Variants in ADAM23 observed in about 807,000 individuals in gnomAD.
The protein encoded by ADAM23 is disintegrin and metalloproteinase domain-containing protein 23.
In ADAM23, 33 loss-of-function variants were observed where a neutral mutation model predicts 120.1. That is an observed-to-expected ratio of 0.27 (90% confidence interval 0.21 to 0.37). ADAM23 has a LOEUF of 0.37. Among genes scored for constraint, ADAM23 ranks in the 10% least tolerant of loss-of-function variants. ADAM23 has a pLI of 1.00. For missense variants in ADAM23, 862 were observed against 1,058.2 expected (o/e 0.81, Z 2.57); for synonymous variants, 367 against 375.2 (o/e 0.98, Z 0.25).
intron 4 of ADAM23, among the ~76,000 whole-genome samples, chr2:206,538,108 A>AT: frequency 6.6e-6 from 1 of 152,322 alleles, no homozygotes; most frequent in East Asian, 1.9e-4. Flanking sequence ...TATGTGAACT[A>AT]TTAAAAATTT....
intron 3 of ADAM23, 81 bp downstream of exon 3, chr2:206,481,389 GTC>G (rs1695893510): frequency 1.7e-5 from 18 of 1,037,820 alleles, no homozygotes; most frequent in Non-Finnish European, 2.5e-5. Flanking sequence ...TCAAAATAAT[GTC>G]TGTTGTTTAA....
chr2:206,538,230 T>A (rs1697220521), intron 4 of ADAM23, among the ~76,000 whole-genome samples: 1 of 152,192 alleles, frequency 6.6e-6, no homozygotes, highest in South Asian at 2.1e-4. Context: ...ATAATTTGTG[T>A]GTTGGGAGTC....
At chr2:206,458,041 A>G (rs1054664105) in intron 2 of ADAM23, among the ~76,000 whole-genome samples, 4 of 152,212 alleles carry the variant, frequency 2.6e-5, no homozygotes, top group African/African-American at 9.6e-5. Flanking sequence ...GTAGCCATTT[A>G]TTTGCAGGAT....
At chr2:206,502,211 G>A (rs1696402870) in intron 3 of ADAM23, among the ~76,000 whole-genome samples, 1 of 152,064 alleles carries the variant, frequency 6.6e-6, no homozygotes, top group East Asian at 1.9e-4. Flanking sequence ...TGAAAACAGG[G>A]CATGCTGTTT....
intron 16 of ADAM23, among the ~76,000 whole-genome samples, chr2:206,571,079 C>T (rs990330491): frequency 2.0e-5 from 3 of 152,150 alleles, no homozygotes; most frequent in Admixed American, 6.5e-5. Context: ...TTTACCAAAT[C>T]GTAAAACATT....
rs1335603672 is a variant in ADAM23 at position 206,493,470 on chromosome 2, T to C, written c.509+12162T>C. 1.3e-5 allele frequency among the ~76,000 whole-genome samples: 2 copies of C among 152,192 alleles called. 1 individual carries two copies. The highest frequency in any genetic ancestry group is 2.9e-5 in the Non-Finnish European group (2 of 68,026). ...TCACTGCAACCTCTACCTCCCAGGT[T>C]CAAGCAATTCTCCTACCTCAGCCTC... On this transcript the variant is annotated intron_variant, in intron 3 of 25. Coordinates refer to ENST00000264377, the MANE Select transcript of ADAM23 (RefSeq NM_003812.4).
chr2:206,584,340 G>T (rs1007624809), intron 18 of ADAM23, among the ~76,000 whole-genome samples: 4 of 152,214 alleles, frequency 2.6e-5, no homozygotes, highest in African/African-American at 7.2e-5. Flanking sequence ...TTGGCCTCCT[G>T]CCACAAGGTC....
At chr2:206,481,793 G>A (rs546978525) in intron 3 of ADAM23, among the ~76,000 whole-genome samples, 1 of 152,194 alleles carries the variant, frequency 6.6e-6, no homozygotes, top group Admixed American at 6.5e-5. Context: ...AGAAATTTTG[G>A]TCCTGATGAA....
intron 9 of ADAM23, among the ~76,000 whole-genome samples, chr2:206,554,836 A>G (rs1376561597): frequency 2.0e-5 from 3 of 152,190 alleles, no homozygotes; most frequent in African/African-American, 2.4e-5. Context: ...TGGCACTTCA[A>G]GTTAACAAAT....
In ADAM23 at chr2:206,617,905, A is replaced by T. The variant is rs1698965776; in HGVS notation, c.*278A>T. The T allele has an allele frequency of 2.6e-6, 1 of 385,896 alleles. No individual in the cohort carries two copies. Among genetic ancestry groups the T allele is most frequent in the South Asian group, 8.1e-5 (1 of 12,348 alleles). The allele number at this position is 385,896 out of a possible 1,614,324, so 23.9% of individuals were successfully genotyped here. On this transcript the variant is annotated 3_prime_UTR_variant, in exon 26 of 26. Transcript: ENST00000264377. Reference sequence around the variant, plus strand: ...CCAGAATCTTTTTTTTCCCTAATGGACGAAGGAACAACACACACACAAAAA... The same window carrying T: ...CCAGAATCTTTTTTTTCCCTAATGGTCGAAGGAACAACACACACACAAAAA...
At chr2:206,598,236 A>C (rs375358241) in intron 24 of ADAM23, among the ~76,000 whole-genome samples, 1 of 152,064 alleles carries the variant, frequency 6.6e-6, no homozygotes, top group Non-Finnish European at 1.5e-5. Flanking sequence ...TCTAGATGCT[A>C]TTTCCTCAAG....
intron 25 of ADAM23, among the ~76,000 whole-genome samples, chr2:206,615,143 C>G (rs530488116): frequency 6.6e-6 from 1 of 152,234 alleles, no homozygotes; most frequent in East Asian, 1.9e-4. Flanking sequence ...GTTATTGTTA[C>G]TGAAAGAGTC....
intron 24 of ADAM23, among the ~76,000 whole-genome samples, chr2:206,598,158 A>G (rs987135127): frequency 1.3e-5 from 2 of 152,200 alleles, no homozygotes; most frequent in African/African-American, 2.4e-5. Flanking sequence ...AAGCTCTAAC[A>G]AGAGAAGCCA....
chr2:206,451,328 C>G (rs994352929), intron 2 of ADAM23, among the ~76,000 whole-genome samples: 1 of 152,214 alleles, frequency 6.6e-6, no homozygotes, highest in African/African-American at 2.4e-5. Flanking sequence ...CAGTCTCTGC[C>G]TCTCGGGTTC....
At chr2:206,575,309 T>G (rs1698089985) in intron 18 of ADAM23, among the ~76,000 whole-genome samples, 1 of 152,216 alleles carries the variant, frequency 6.6e-6, no homozygotes, top group South Asian at 2.1e-4. Flanking sequence ...TACCTTCATT[T>G]TAATTCTGAC....
At chr2:206,464,587 T>A (rs1055676043) in intron 2 of ADAM23, among the ~76,000 whole-genome samples, 8 of 150,918 alleles carry the variant, frequency 5.3e-5, no homozygotes, top group African/African-American at 1.5e-4. Flanking sequence ...AAAAAAATAA[T>A]AATAATAATA....
intron 4 of ADAM23, among the ~76,000 whole-genome samples, chr2:206,535,455 G>A (rs1343763921): frequency 6.6e-6 from 1 of 152,086 alleles, no homozygotes; most frequent in Non-Finnish European, 1.5e-5. Flanking sequence ...TCTACTCCTA[G>A]GCATATACTC....
At chr2:206,537,953 C>T (rs1697213277) in intron 4 of ADAM23, among the ~76,000 whole-genome samples, 1 of 152,078 alleles carries the variant, frequency 6.6e-6, no homozygotes, top group Non-Finnish European at 1.5e-5. Context: ...TATTATTAAT[C>T]ATTCAAAATA....
intron 2 of ADAM23, among the ~76,000 whole-genome samples, chr2:206,459,261 A>G (rs976736456): frequency 5.3e-5 from 8 of 152,154 alleles, no homozygotes; most frequent in Non-Finnish European, 7.3e-5. Context: ...ATGCCGTCTT[A>G]TTACTTTTGG....
Sources: gnomAD v4.1 joint callset for allele counts (sites outside exome capture counted in the v4.1 genomes callset) on GRCh38, gnomAD v4.1.1 for gene constraint, MANE v1.5 for transcripts, NCBI Gene and HGNC (gene_info 2026-07-23, HGNC 2026-07-21) for gene names.